Variants in IL22RA1 observed in about 807,000 individuals in gnomAD.
IL22RA1 encodes interleukin-22 receptor subunit alpha-1.
In IL22RA1, 25 loss-of-function variants were observed where a neutral mutation model predicts 32.8. The observed-to-expected ratio is 0.76, with a 90% CI of 0.55 to 1.06. IL22RA1 has a LOEUF of 1.06. Among genes scored for constraint, IL22RA1 ranks in the 50% least tolerant of loss-of-function variants. IL22RA1 has a pLI of 0.00. For synonymous variants in IL22RA1, 305 were observed against 305.0 expected (o/e 1.00, Z 0.00); for missense variants, 709 against 727.4 (o/e 0.97, Z 0.29).
At chr1:24,137,844 G>T (rs1644252980) in intron 2 of IL22RA1, among the ~76,000 whole-genome samples, 1 of 152,200 alleles carries the variant, frequency 6.6e-6, no homozygotes, top group Admixed American at 6.5e-5. Flanking sequence ...AAACAAAGAA[G>T]ATGAGGCTCA....
intron 3 of IL22RA1, among the ~76,000 whole-genome samples, chr1:24,134,686 C>T (rs1428296038): frequency 6.6e-6 from 1 of 152,156 alleles, no homozygotes; most frequent in African/African-American, 2.4e-5. Flanking sequence ...TCCCAGCCCC[C>T]TGCGTCCCCA....
intron 5 of IL22RA1, 57 bp from the exon 6 acceptor site, chr1:24,123,480 G>T (rs766828369): frequency 1.3e-6 from 2 of 1,580,470 alleles, no homozygotes; most frequent in Admixed American, 3.7e-5. Flanking sequence ...GCCTGGGCCC[G>T]GTTGGGTCTG....
At chr1:24,125,729 T>G (rs746158568) in intron 5 of IL22RA1, among the ~76,000 whole-genome samples, 1 of 152,214 alleles carries the variant, frequency 6.6e-6, no homozygotes, top group Non-Finnish European at 1.5e-5. Flanking sequence ...AAAACGAGGA[T>G]GATGCTACCC....
intron 4 of IL22RA1, among the ~76,000 whole-genome samples, chr1:24,133,937 AAAAC>A (rs1569575330): frequency 2.6e-5 from 4 of 152,226 alleles, no homozygotes; most frequent in East Asian, 3.9e-4. Flanking sequence ...AAATAAATAA[AAAAC>A]AAAACAAAAC....
intron 1 of IL22RA1, among the ~76,000 whole-genome samples, chr1:24,140,273 G>T (rs1427883597): frequency 1.3e-5 from 2 of 152,254 alleles, no homozygotes; most frequent in African/African-American, 4.8e-5. Flanking sequence ...CCCAGTGCTA[G>T]ACTGGTTGTG....
intron 2 of IL22RA1, among the ~76,000 whole-genome samples, chr1:24,137,521 T>TC (rs1245293923): frequency 2.0e-5 from 3 of 151,320 alleles, no homozygotes; most frequent in Non-Finnish European, 4.4e-5. Flanking sequence ...CCTTTCTTTT[T>TC]TTTTTTTTTT....
Position 24,134,387 on chromosome 1 carries a change from C to A in IL22RA1, c.356-1G>T. 1 of 1,495,288 alleles carries A rather than the reference C, an allele frequency of 6.7e-7. No individual in the cohort carries two copies. The highest frequency in any genetic ancestry group is 9.0e-7 in the Non-Finnish European group (1 of 1,115,346). The allele number at this position is 1,495,288 out of a possible 1,614,324, so 92.6% of individuals were successfully genotyped here. ...GTCACATCAGGTGGCTTGAGGGTAG[C>A]TGGGGATAGGGAGAGAGAAAAGAGA... On this transcript the variant is annotated splice_acceptor_variant, in intron 3 of 6. Transcript: ENST00000270800. LOFTEE classifies it high-confidence loss of function.
Position 24,121,031 on chromosome 1 carries a change from G to A in IL22RA1, c.1499C>T (p.Ser500Phe), listed in dbSNP as rs1352455427. 1.2e-6 allele frequency: 2 copies of A among 1,614,088 alleles called. No individual in the cohort carries two copies. The highest frequency in any genetic ancestry group is 1.3e-5 in the African/African-American group (1 of 74,946). Reference protein sequence around the residue: ...QYLKGQLPLLSSVQIEGHPMS... With the variant: ...QYLKGQLPLLFSVQIEGHPMS... ...GGGGTGGCCCTCGATCTGGACTGAG[G>A]AGAGGAGGGGGAGCTGGCCCTTTAG... Residue 500 changes from serine to phenylalanine, a missense_variant, in exon 7 of 7, where the codon TCC (serine) becomes TTC (phenylalanine). By Grantham distance (155) the Ser-to-Phe change is radical (BLOSUM62 -2). Coordinates refer to ENST00000270800, the MANE Select transcript of IL22RA1 (RefSeq NM_021258.4).
chr1:24,123,627 C>T, intron 5 of IL22RA1: 7 of 1,174,964 alleles, frequency 6.0e-6, no homozygotes, highest in East Asian at 2.9e-5. Context: ...TATTTTTACA[C>T]TGTTAAATAA....
chr1:24,130,109 A>G (rs1644194850), intron 4 of IL22RA1, among the ~76,000 whole-genome samples: 2 of 152,258 alleles, frequency 1.3e-5, no homozygotes, highest in Non-Finnish European at 2.9e-5. Flanking sequence ...ATGAAAACCA[A>G]CTACTTAAAA....
chr1:24,131,996 G>A (rs1223223337), intron 4 of IL22RA1, among the ~76,000 whole-genome samples: 3 of 152,102 alleles, frequency 2.0e-5, no homozygotes, highest in Non-Finnish European at 2.9e-5. Context: ...CCAAAAAATA[G>A]TTGTGATAAG....
In IL22RA1 at chr1:24,134,191, AG is replaced by A; in HGVS notation, c.531+19del. 6.3e-7 allele frequency: 1 copy of A among 1,586,622 alleles called. No individual in the cohort carries two copies. On this transcript the variant is annotated intron_variant, in intron 4 of 6. Coordinates refer to ENST00000270800, the MANE Select transcript of IL22RA1 (RefSeq NM_021258.4). ...GAGGCTTCCTAGGCAGAGAAAGACC[AG>A]GGTGCAACATACACTCACCATTTGG...
At chr1:24,123,735 G>A (rs1003782507) in intron 5 of IL22RA1, among the ~76,000 whole-genome samples, 1 of 152,170 alleles carries the variant, frequency 6.6e-6, no homozygotes, top group Non-Finnish European at 1.5e-5. Flanking sequence ...TCTAGGTACT[G>A]TGCTGAAGTG....
chr1:24,121,396 G>A lies in IL22RA1; in HGVS notation c.1134C>T (p.Ala378=), dbSNP rs780141813. The part of the protein sequence containing the change: ...VTPEAQFPFY[A]PQAISKVQPS... ...GCTGGACCTTAGAGATGGCCTGTGG[G>A]GCGTAGAATGGGAATTGAGCTTCGG... Residue 378 remains alanine (A), a synonymous_variant, in exon 7 of 7, where the codon GCC becomes GCT. Transcript: ENST00000270800. 6.4e-7 allele frequency: 1 copy of A among 1,556,956 alleles called. No individual in the cohort carries two copies. The highest frequency in any genetic ancestry group is 8.7e-7 in the Non-Finnish European group (1 of 1,150,382).
At chr1:24,128,410 T>G (rs963041249) in intron 4 of IL22RA1, 131 bp from the exon 5 acceptor site, 24 of 1,039,694 alleles carry the variant, frequency 2.3e-5, no homozygotes, top group Non-Finnish European at 3.3e-5. Context: ...TCTGTTTCCA[T>G]TCCCCTCCCT....
rs780540586 is a variant in IL22RA1 at position 24,121,709 on chromosome 1, G to A, written c.821C>T (p.Pro274Leu). The A allele has an allele frequency of 1.8e-5, 28 of 1,559,150 alleles. No individual in the cohort carries two copies. Among genetic ancestry groups the A allele is most frequent in the South Asian group, 3.6e-5 (3 of 83,422 alleles). ...GACGTGCTCCTGGATGAAGCGCAGCGGCTGGAAAGTCAGGACTCGCTGGAC... is the reference window on the plus strand; with the variant it reads ...GACGTGCTCCTGGATGAAGCGCAGCAGCTGGAAAGTCAGGACTCGCTGGAC... ...LNVQRVLTFQ[P>L]LRFIQEHVLI... The change falls in exon 7 of 7, where the codon CCG becomes CTG. Residue 274 changes from proline to leucine, a missense_variant. Transcript: ENST00000270800.
At position 24,127,016 on chromosome 1, in the gene IL22RA1, C is replaced by CAA. The variant is rs59069321; in HGVS notation, c.670+1123_670+1124dup. 2.4e-3 allele frequency among the ~76,000 whole-genome samples: 176 copies of CAA among 72,832 alleles called. 2 individuals are homozygous for CAA. The highest frequency in any genetic ancestry group is 5.0e-3 in the Admixed American group (34 of 6,782). 47.8% of individuals were successfully genotyped at this position (72,832 alleles called of 152,430 possible). ...TGAAACTCCGTCTCTACTAAAAATA[C>CAA]AAAAAAAAAAAAAAAAAAATTAGCC... On this transcript the variant is annotated intron_variant, in intron 5 of 6. Transcript: ENST00000270800.
At chr1:24,127,361 G>A (rs1168082691) in intron 5 of IL22RA1, among the ~76,000 whole-genome samples, 1 of 151,754 alleles carries the variant, frequency 6.6e-6, no homozygotes, top group Non-Finnish European at 1.5e-5. Context: ...ATCCAGGCTG[G>A]AGTGCAGTGG....
chr1:24,123,248 G>A (rs1195578215), intron 6 of IL22RA1, 54 bp downstream of exon 6: 23 of 1,573,918 alleles, frequency 1.5e-5, no homozygotes, highest in African/African-American at 5.4e-5. Context: ...TGGGGACCTC[G>A]GAGCCCAGGC....
Sources: gnomAD v4.1 joint callset for allele counts (sites outside exome capture counted in the v4.1 genomes callset) on GRCh38, gnomAD v4.1.1 for gene constraint, MANE v1.5 for transcripts, NCBI Gene and HGNC (gene_info 2026-07-23, HGNC 2026-07-21) for gene names.